SORCS3: variants seen among roughly 807,000 people sequenced by gnomAD.
The protein encoded by SORCS3 is VPS10 domain-containing receptor SorCS3.
In SORCS3, 57 loss-of-function variants were observed where a neutral mutation model predicts 146.3. The observed-to-expected ratio is 0.39, with a 90% CI of 0.31 to 0.49. SORCS3 has a LOEUF of 0.49. Among genes scored for constraint, SORCS3 ranks in the 20% least tolerant of loss-of-function variants. The pLI is 0.92. For missense variants in SORCS3, 1,341 were observed against 1,575.5 expected (o/e 0.85, Z 2.52); for synonymous variants, 653 against 618.5 (o/e 1.06, Z -0.83).
At chr10:104,674,862 A>G (rs1458706071) in intron 1 of SORCS3, among the ~76,000 whole-genome samples, 1 of 152,222 alleles carries the variant, frequency 6.6e-6, no homozygotes, top group Non-Finnish European at 1.5e-5. Context: ...TCCATAGTAT[A>G]GGAATATATC....
intron 3 of SORCS3, among the ~76,000 whole-genome samples, chr10:104,919,286 C>T (rs1469143719): frequency 2.6e-5 from 4 of 152,138 alleles, no homozygotes. Flanking sequence ...ATCTGGGAGG[C>T]ACTGCCACCC....
intron 1 of SORCS3, among the ~76,000 whole-genome samples, chr10:104,669,172 T>C (rs1172675445): frequency 6.6e-6 from 1 of 152,228 alleles, no homozygotes; most frequent in Non-Finnish European, 1.5e-5. Flanking sequence ...AGCATGTTTA[T>C]TGATGTATAA....
chr10:105,107,655 T>G (rs918937402), intron 7 of SORCS3, among the ~76,000 whole-genome samples: 1 of 152,194 alleles, frequency 6.6e-6, no homozygotes, highest in Non-Finnish European at 1.5e-5. Flanking sequence ...GCCAAGTATA[T>G]GTGAGGTCCC....
chr10:104,992,613 T>C (rs1337299827), intron 4 of SORCS3, among the ~76,000 whole-genome samples: 2 of 152,170 alleles, frequency 1.3e-5, no homozygotes, highest in Non-Finnish European at 2.9e-5. Context: ...ACGTGGATCC[T>C]AACTTTCTAC....
chr10:105,160,830 C>A (rs2056256029), intron 11 of SORCS3, among the ~76,000 whole-genome samples: 1 of 152,156 alleles, frequency 6.6e-6, no homozygotes, highest in Non-Finnish European at 1.5e-5. Flanking sequence ...GAAACTTGTC[C>A]TCCTGCTTTC....
chr10:105,217,156 G>C (rs2056670470), intron 19 of SORCS3, 34 bp downstream of exon 19: 1 of 1,608,544 alleles, frequency 6.2e-7, no homozygotes, highest in Non-Finnish European at 8.5e-7. Flanking sequence ...TTTTCCCTTT[G>C]TTCCCAGTTG....
chr10:104,667,401 A>G (rs1405253586), intron 1 of SORCS3, among the ~76,000 whole-genome samples: 1 of 151,776 alleles, frequency 6.6e-6, no homozygotes, highest in African/African-American at 2.4e-5. Context: ...CTTCCTACTG[A>G]TCTCTGATCT....
At chr10:105,025,609 C>G (rs1258107331) in intron 4 of SORCS3, among the ~76,000 whole-genome samples, 2 of 152,052 alleles carry the variant, frequency 1.3e-5, no homozygotes, top group Non-Finnish European at 2.9e-5. Context: ...TTCTGTGCAG[C>G]CTCGAGCATT....
At chr10:104,837,067 A>G (rs1033274173) in intron 1 of SORCS3, among the ~76,000 whole-genome samples, 5 of 151,976 alleles carry the variant, frequency 3.3e-5, no homozygotes, top group African/African-American at 1.2e-4. Context: ...TCTCTCCTAC[A>G]TTTATCATCT....
chr10:105,243,009 TTATA>T (rs1395563682), intron 20 of SORCS3, among the ~76,000 whole-genome samples: 1 of 130,804 alleles, frequency 7.6e-6, no homozygotes, highest in Non-Finnish European at 1.6e-5. Flanking sequence ...ACATGTATTT[TTATA>T]TATATTTATA....
At chr10:105,110,628 G>T (rs1221743879) in intron 7 of SORCS3, among the ~76,000 whole-genome samples, 1 of 151,910 alleles carries the variant, frequency 6.6e-6, no homozygotes, top group Non-Finnish European at 1.5e-5. Context: ...CTCTGTGAGT[G>T]GGTCCTTCTG....
intron 4 of SORCS3, among the ~76,000 whole-genome samples, chr10:105,025,720 C>T (rs927441805): frequency 1.2e-4 from 18 of 152,056 alleles, no homozygotes; most frequent in African/African-American, 3.9e-4. Context: ...TCCTCCAGGG[C>T]GGTTGTGTTT....
chr10:104,973,131 A>G (rs1315437740), intron 3 of SORCS3, among the ~76,000 whole-genome samples: 2 of 152,152 alleles, frequency 1.3e-5, no homozygotes, highest in Non-Finnish European at 2.9e-5. Flanking sequence ...ATCAATGTTC[A>G]TCAAGGATAT....
At chr10:104,852,948 T>C (rs756705514) in intron 2 of SORCS3, among the ~76,000 whole-genome samples, 1 of 152,280 alleles carries the variant, frequency 6.6e-6, no homozygotes, top group Non-Finnish European at 1.5e-5. Context: ...AGATAAGCCT[T>C]ATGAGGGTCA....
chr10:105,155,919 G>A lies in SORCS3; in HGVS notation c.1483-1219G>A, dbSNP rs957370723. 1.6e-4 allele frequency among the ~76,000 whole-genome samples: 25 copies of A among 152,196 alleles called. 1 individual carries two copies. The East Asian group carries it at 4.3e-3, about 26-fold the overall frequency. On this transcript the variant is annotated intron_variant, in intron 9 of 26. Coordinates refer to ENST00000369701, the MANE Select transcript of SORCS3 (RefSeq NM_014978.3). ...TGTTTGTTTATTCTTATTTGGGCTG[G>A]CATTCTCTTTCAAGACCAATCAGGT... is the stretch of plus-strand genomic sequence containing the variant.
intron 1 of SORCS3, among the ~76,000 whole-genome samples, chr10:104,780,663 G>A (rs1038680953): frequency 1.3e-5 from 2 of 152,250 alleles, no homozygotes; most frequent in Admixed American, 1.3e-4. Flanking sequence ...TGGGATGGGA[G>A]ATAAGGACCA....
intron 8 of SORCS3, among the ~76,000 whole-genome samples, chr10:105,142,058 G>A (rs1229882144): frequency 2.0e-5 from 3 of 152,100 alleles, no homozygotes; most frequent in Non-Finnish European, 4.4e-5. Flanking sequence ...TTCATAATGG[G>A]ATCACATTCC....
intron 16 of SORCS3, among the ~76,000 whole-genome samples, chr10:105,209,296 A>G (rs898529381): frequency 2.0e-5 from 3 of 151,928 alleles, no homozygotes; most frequent in Admixed American, 2.0e-4. Context: ...TCCTGCCACC[A>G]TGCCTGGTGA....
At chr10:105,250,208 C>T (rs1589710614) in intron 22 of SORCS3, among the ~76,000 whole-genome samples, 1 of 152,026 alleles carries the variant, frequency 6.6e-6, no homozygotes, top group Non-Finnish European at 1.5e-5. Context: ...ACCCTTATGA[C>T]CTAATCACCT....
Sources: allele counts gnomAD v4.1 joint callset (sites outside exome capture counted in the v4.1 genomes callset), GRCh38; gene constraint gnomAD v4.1.1; transcripts MANE v1.5; gene names NCBI Gene and HGNC (gene_info 2026-07-23, HGNC 2026-07-21).